The following OR2G6 variants were observed in gnomAD, a reference collection of about 807,000 sequenced individuals.
OR2G6 encodes the protein olfactory receptor family 2 subfamily G member 6.
For missense variants in OR2G6, 457 were observed against 391.3 expected (o/e 1.17, Z -1.42); for synonymous variants, 183 against 155.2 (o/e 1.18, Z -1.33).
chr1:248,521,789 T>C lies in OR2G6; in HGVS notation c.143T>C (p.Val48Ala), dbSNP rs767780187. 7 of 1,614,152 alleles carry C rather than the reference T, an allele frequency of 4.3e-6. No homozygotes were observed. The highest frequency in any genetic ancestry group is 4.5e-5 in the East Asian group (2 of 44,882). ...CTGGGGAACACTGCCCTCATACTAGTATGTTGTCTGGACTCCAGACTCCAC... is the reference window on the plus strand; with the variant it reads ...CTGGGGAACACTGCCCTCATACTAGCATGTTGTCTGGACTCCAGACTCCAC... ...SLLGNTALIL[V>A]CCLDSRLHTP... Residue 48 changes from valine to alanine, a missense_variant, in exon 2 of 2, where the codon GTA becomes GCA. Physicochemically the swap from Val to Ala is moderately conservative, Grantham distance 64. Coordinates refer to ENST00000641804, the MANE Select transcript of OR2G6 (RefSeq NM_001013355.2).
intron 1 of OR2G6, among the ~76,000 whole-genome samples, chr1:248,520,419 T>TA (rs897483098): frequency 1.4e-4 from 22 of 152,198 alleles, no homozygotes; most frequent in East Asian, 5.8e-4. Context: ...ACTTATAGTT[T>TA]AAAAAAAAGT....
Position 248,527,191 on chromosome 1 carries a change from GT to G in OR2G6, c.*4597del, listed in dbSNP as rs1197464277. On this transcript the variant is annotated 3_prime_UTR_variant, in exon 2 of 2. Coordinates refer to ENST00000641804, the MANE Select transcript of OR2G6 (RefSeq NM_001013355.2). The stretch of plus-strand genomic sequence containing the variant: ...GTATAAGGTGTAAGGAAGGGATCCA[GT>G]TTCAGCTTTCTACATATGGCTAGTC... The G allele has an allele frequency of 1.3e-5, 2 of 152,158 alleles. No individual in the cohort carries two copies. The highest frequency in any genetic ancestry group is 2.9e-5 in the Non-Finnish European group (2 of 68,030). The allele number at this position is 152,158 out of a possible 1,614,324, so 9.4% of individuals were successfully genotyped here. A position where few individuals can be genotyped will look rare whatever the true frequency, so the allele number is the denominator to read the frequency against.
rs1190691800 is a variant in OR2G6 at position 248,523,720 on chromosome 1, T to G, written c.*1123T>G. The G allele has an allele frequency of 2.0e-5, 3 of 152,192 alleles. No homozygotes were observed. Among genetic ancestry groups the G allele is most frequent in the Non-Finnish European group, 4.4e-5 (3 of 68,034 alleles). The allele number at this position is 152,192 out of a possible 1,614,324, so 9.4% of individuals were successfully genotyped here. A position where few individuals can be genotyped will look rare whatever the true frequency, so the allele number is the denominator to read the frequency against. ...TCTTTGTGTGTCTCAGCCTCTTTCT[T>G]GCTTTCTTTTCCCAAAACGATTGAA... is the stretch of plus-strand genomic sequence containing the variant. On this transcript the variant is annotated 3_prime_UTR_variant, in exon 2 of 2. Coordinates refer to ENST00000641804, the MANE Select transcript of OR2G6 (RefSeq NM_001013355.2).
intron 1 of OR2G6, among the ~76,000 whole-genome samples, chr1:248,520,333 A>G (rs1169592242): frequency 6.6e-6 from 1 of 152,104 alleles, no homozygotes; most frequent in Non-Finnish European, 1.5e-5. Context: ...CATAGATGAC[A>G]ATTTGATGGC....
At position 248,522,459 on chromosome 1, in the gene OR2G6, A is replaced by C. The variant is rs1046991539; in HGVS notation, c.813A>C (p.Gly271=). The part of the protein sequence containing the change: ...QPANRRSKNQ[G]KFVSLFYTIV... ...CCAATAGGAGATCCAAAAACCAGGG[A>C]AAGTTTGTTTCTCTTTTCTATACCA... Residue 271 remains glycine (G), a synonymous_variant, in exon 2 of 2, where the codon GGA becomes GGC. Transcript: ENST00000641804. 30 of 1,614,024 alleles carry C rather than the reference A, an allele frequency of 1.9e-5. No individual in the cohort carries two copies. Among genetic ancestry groups the C allele is most frequent in the Non-Finnish European group, 2.5e-5 (29 of 1,180,024 alleles).
At position 248,523,733 on chromosome 1, in the gene OR2G6, C is replaced by T. The variant is rs940741999; in HGVS notation, c.*1136C>T. The T allele has an allele frequency of 2.6e-5, 4 of 152,070 alleles. No individual in the cohort carries two copies. The highest frequency in any genetic ancestry group is 9.7e-5 in the African/African-American group (4 of 41,390). The allele number at this position is 152,070 out of a possible 1,614,324, so 9.4% of individuals were successfully genotyped here. On this transcript the variant is annotated 3_prime_UTR_variant, in exon 2 of 2. Coordinates refer to ENST00000641804, the MANE Select transcript of OR2G6 (RefSeq NM_001013355.2). ...CAGCCTCTTTCTTGCTTTCTTTTCC[C>T]AAAACGATTGAACTTCATCAATTCG...
Position 248,521,668 on chromosome 1 carries a change from T to G in OR2G6, c.22T>G (p.Ser8Ala). ...AAAAATGGAGGAAACCAACAACAGC[T>G]CTGAAAAGGGATTTCTTCTCCTGGG... Reference protein sequence around the residue: MEETNNSSEKGFLLLGFS... With the variant: MEETNNSAEKGFLLLGFS... Residue 8 changes from serine (S) to alanine (A), a missense_variant, in exon 2 of 2, where the codon TCT (serine) becomes GCT (alanine). Transcript: ENST00000641804. 3.7e-6 allele frequency: 6 copies of G among 1,613,580 alleles called. No individual in the cohort carries two copies. The highest frequency in any genetic ancestry group is 5.1e-6 in the Non-Finnish European group (6 of 1,179,778).
chr1:248,522,250 G>T lies in OR2G6; in HGVS notation c.604G>T (p.Ala202Ser). The change falls in exon 2 of 2, where the codon GCC becomes TCC. Residue 202 changes from alanine to serine, a missense_variant. Physicochemically the swap from Ala to Ser is moderately conservative, Grantham distance 99. Coordinates refer to ENST00000641804, the MANE Select transcript of OR2G6 (RefSeq NM_001013355.2). ...TTTCAACGAGGCAGAACTCTTTGTGGCCAGTGTAGTCTTTCTAATTGTCCC... is the reference window on the plus strand; with the variant it reads ...TTTCAACGAGGCAGAACTCTTTGTGTCCAGTGTAGTCTTTCTAATTGTCCC... ...TTFNEAELFV[A>S]SVVFLIVPVL... 1 of 1,614,104 alleles carries T rather than the reference G, an allele frequency of 6.2e-7. No individual in the cohort carries two copies. The highest frequency in any genetic ancestry group is 8.5e-7 in the Non-Finnish European group (1 of 1,180,002).
rs147992223 is a variant in OR2G6, at chr1:248,524,547, A to T, written c.*1950A>T. 1.3e-5 allele frequency: 2 copies of T among 152,228 alleles called. No homozygotes were observed. Among genetic ancestry groups the T allele is most frequent in the East Asian group, 1.9e-4 (1 of 5,202 alleles). 9.4% of individuals were successfully genotyped at this position (152,228 alleles called of 1,614,324 possible). A position where few individuals can be genotyped will look rare whatever the true frequency, so the allele number is the denominator to read the frequency against. On this transcript the variant is annotated 3_prime_UTR_variant, in exon 2 of 2. Coordinates refer to ENST00000641804, the MANE Select transcript of OR2G6 (RefSeq NM_001013355.2). Reference sequence around the variant, plus strand: ...ATAGGAAAGAATGTACCTGTGTCAGAGTCTCAATCAATTTACATGGAATAT... The same window carrying T: ...ATAGGAAAGAATGTACCTGTGTCAGTGTCTCAATCAATTTACATGGAATAT...
chr1:248,508,881 C>T (rs570841295), intron 1 of OR2G6, among the ~76,000 whole-genome samples: 1 of 122,516 alleles, frequency 8.2e-6, no homozygotes, highest in Non-Finnish European at 1.6e-5. Flanking sequence ...AATCTTAAAA[C>T]CACTCATTTG....
chr1:248,521,040 TAAAAAAAAAA>T lies in OR2G6; in HGVS notation c.-36-555_-36-546del, dbSNP rs56891856. On this transcript the variant is annotated intron_variant, in intron 1 of 1. Coordinates refer to ENST00000641804, the MANE Select transcript of OR2G6 (RefSeq NM_001013355.2). ...CTGGGAGACAGAGTGAGATTCCATC[TAAAAAAAAAA>T]AAAAAAAAAAAAAAATACAACAATT... Among the ~76,000 whole-genome samples, 70 of 83,944 alleles carry T rather than the reference TAAAAAAAAAA, an allele frequency of 8.3e-4. 1 individual carries two copies. The highest frequency in any genetic ancestry group is 5.3e-3 in the East Asian group (14 of 2,636). The allele number at this position is 83,944 out of a possible 152,430, so 55.1% of individuals were successfully genotyped here.
In OR2G6 at chr1:248,522,360, T is replaced by TG. The variant is rs762539361; in HGVS notation, c.717dup (p.Thr240AspfsTer26). ...CAGCTGCGGGCCGCCAAAAGGCCTT[T>TG]GGGACCTGTTCGTCTCACCTGGTTG... On this transcript the variant is annotated frameshift_variant, in exon 2 of 2. Transcript: ENST00000641804. LOFTEE classifies it low-confidence loss of function (END_TRUNC). 18 of 1,614,090 alleles carry TG rather than the reference T, an allele frequency of 1.1e-5. No homozygotes were observed. In the Admixed American group the frequency reaches 2.8e-4, roughly 25 times the overall value.
chr1:248,521,970 C>T lies in OR2G6; in HGVS notation c.324C>T (p.Gly108=). 6.2e-7 allele frequency: 1 copy of T among 1,614,154 alleles called. No homozygotes were observed. Among genetic ancestry groups the T allele is most frequent in the Non-Finnish European group, 8.5e-7 (1 of 1,180,024 alleles). ...VAQLYVAMGL[G]SSECILLAVM... is the part of the protein sequence containing the mutation. ...AGCTCTATGTGGCCATGGGGTTGGG[C>T]TCGTCTGAGTGTATTCTCTTGGCCG... Residue 108 remains glycine (G), a synonymous_variant, in exon 2 of 2, where the codon GGC becomes GGT. Transcript: ENST00000641804.
At position 248,526,688 on chromosome 1, in the gene OR2G6, A is replaced by G. The variant is rs573818902; in HGVS notation, c.*4091A>G. 6.9e-6 allele frequency: 1 copy of G among 145,106 alleles called. No homozygotes were observed. Among genetic ancestry groups the G allele is most frequent in the African/African-American group, 2.4e-5 (1 of 41,038 alleles). The allele number at this position is 145,106 out of a possible 1,614,324, so 9.0% of individuals were successfully genotyped here. ...CAGTAGTAACTATTTAATGATTGCC[A>G]TTCTAACTGGTGTGAGATGATATCT... On this transcript the variant is annotated 3_prime_UTR_variant, in exon 2 of 2. Coordinates refer to ENST00000641804, the MANE Select transcript of OR2G6 (RefSeq NM_001013355.2).
At position 248,522,424 on chromosome 1, in the gene OR2G6, C is replaced by G. The variant is rs1368627086; in HGVS notation, c.778C>G (p.Leu260Val). The G allele has an allele frequency of 1.9e-6, 3 of 1,614,024 alleles. No individual in the cohort carries two copies. The highest frequency in any genetic ancestry group is 3.3e-5 in the Admixed American group (2 of 59,982). Residue 260 changes from leucine to valine, a missense_variant, in exon 2 of 2, where the codon CTT (leucine) becomes GTT (valine). Leu to Val is a conservative substitution (Grantham distance 32, BLOSUM62 1). Transcript: ENST00000641804. ...CTATGGGACCATCATATTCATGTAC[C>G]TTCAACCGGCCAATAGGAGATCCAA... is the stretch of plus-strand genomic sequence containing the variant. Reference protein sequence around the residue: ...IFYGTIIFMYLQPANRRSKNQ... With the variant: ...IFYGTIIFMYVQPANRRSKNQ...
In OR2G6 at chr1:248,527,173, G is replaced by T. The variant is rs1457154241; in HGVS notation, c.*4576G>T. 1.3e-5 allele frequency: 2 copies of T among 152,112 alleles called. No individual in the cohort carries two copies. The highest frequency in any genetic ancestry group is 2.9e-5 in the Non-Finnish European group (2 of 68,028). 9.4% of individuals were successfully genotyped at this position (152,112 alleles called of 1,614,324 possible). A position where few individuals can be genotyped will look rare whatever the true frequency, so the allele number is the denominator to read the frequency against. On this transcript the variant is annotated 3_prime_UTR_variant, in exon 2 of 2. Coordinates refer to ENST00000641804, the MANE Select transcript of OR2G6 (RefSeq NM_001013355.2). ...CATCTTGAATTAATTTTTGTATAAG[G>T]TGTAAGGAAGGGATCCAGTTTCAGC...
rs560992560 is a variant in OR2G6 at position 248,522,425 on chromosome 1, T to C, written c.779T>C (p.Leu260Pro). 1.2e-6 allele frequency: 2 copies of C among 1,614,176 alleles called. No individual in the cohort carries two copies. Among genetic ancestry groups the C allele is most frequent in the Non-Finnish European group, 1.7e-6 (2 of 1,180,036 alleles). Residue 260 changes from leucine (L) to proline (P), a missense_variant, in exon 2 of 2, where the codon CTT becomes CCT. Coordinates refer to ENST00000641804, the MANE Select transcript of OR2G6 (RefSeq NM_001013355.2). ...IFYGTIIFMY[L>P]QPANRRSKNQ... is the part of the protein sequence containing the mutation. ...TATGGGACCATCATATTCATGTACC[T>C]TCAACCGGCCAATAGGAGATCCAAA...
At position 248,522,329 on chromosome 1, in the gene OR2G6, T is replaced by TA; in HGVS notation, c.687dup (p.Ser230IlefsTer36). The stretch of plus-strand genomic sequence containing the variant: ...TTTATCACTCAAGCTGTGTTAAGGA[T>TA]AAAATCAGCTGCGGGCCGCCAAAAG... On this transcript the variant is annotated frameshift_variant, in exon 2 of 2. Coordinates refer to ENST00000641804, the MANE Select transcript of OR2G6 (RefSeq NM_001013355.2). LOFTEE classifies it low-confidence loss of function (END_TRUNC). The TA allele has an allele frequency of 6.2e-7, 1 of 1,614,158 alleles. No individual in the cohort carries two copies. Among genetic ancestry groups the TA allele is most frequent in the Non-Finnish European group, 8.5e-7 (1 of 1,180,028 alleles).
intron 1 of OR2G6, among the ~76,000 whole-genome samples, chr1:248,520,966 C>T (rs942514970): frequency 7.0e-5 from 10 of 143,078 alleles, no homozygotes; most frequent in East Asian, 4.1e-4. Flanking sequence ...ATTGCTTGAA[C>T]GTGGGAGGTG....
Sources: gnomAD v4.1 joint callset for allele counts (sites outside exome capture counted in the v4.1 genomes callset) on GRCh38, gnomAD v4.1.1 for gene constraint, MANE v1.5 for transcripts, NCBI Gene and HGNC (gene_info 2026-07-23, HGNC 2026-07-21) for gene names.